Variants in LRBA observed in about 807,000 individuals in gnomAD.
LRBA encodes lipopolysaccharide-responsive and beige-like anchor protein.
A neutral mutation model predicts 330.0 loss-of-function variants in LRBA; 176 were observed. The ratio of observed to expected loss-of-function variants is 0.53; its 90% CI spans 0.47 to 0.60. The LOEUF (loss-of-function observed/expected upper bound fraction) is 0.60, where lower values mean the gene tolerates loss of function less well. LRBA is among the 20% of genes least tolerant of loss of function. The pLI is 0.00. For missense variants in LRBA, 3,259 were observed against 3,444.8 expected (o/e 0.95, Z 1.35); for synonymous variants, 1,230 against 1,193.0 (o/e 1.03, Z -0.64).
intron 40 of LRBA, among the ~76,000 whole-genome samples, chr4:150,561,999 C>T (rs554819156): frequency 1.6e-4 from 25 of 152,120 alleles, no homozygotes; most frequent in Middle Eastern, 6.8e-3. Flanking sequence ...CTATTACTAC[C>T]CTTCATCTAC....
chr4:150,964,627 T>C (rs1370908757), intron 2 of LRBA, among the ~76,000 whole-genome samples: 1 of 151,536 alleles, frequency 6.6e-6, no homozygotes, highest in Non-Finnish European at 1.5e-5. Flanking sequence ...GAAGGCAGCA[T>C]ACTCGTTAAG....
intron 40 of LRBA, among the ~76,000 whole-genome samples, chr4:150,503,926 C>T (rs199694000): frequency 2.0e-5 from 3 of 152,082 alleles, no homozygotes; most frequent in African/African-American, 7.2e-5. Flanking sequence ...AACCAAGGCA[C>T]GAGAACTAGG....
At chr4:150,429,571 T>A (rs1427109698) in intron 46 of LRBA, among the ~76,000 whole-genome samples, 4 of 152,138 alleles carry the variant, frequency 2.6e-5, no homozygotes, top group Admixed American at 2.0e-4. Context: ...ATGTTAAATT[T>A]AAGATACAGT....
In LRBA at chr4:150,354,280, T is replaced by C. The variant is rs542439143; in HGVS notation, c.7195-4121A>G. ...TATATAGAAAATTCTCATTTAGATC[T>C]ACATTTTTAGTTACAAAAAAATGAA... On this transcript the variant is annotated intron_variant, in intron 47 of 56. Transcript: ENST00000651943. 9.2e-5 allele frequency among the ~76,000 whole-genome samples: 14 copies of C among 152,264 alleles called. No homozygotes were observed. In the South Asian group the frequency reaches 2.1e-3, roughly 23 times the overall value.
intron 17 of LRBA, among the ~76,000 whole-genome samples, chr4:150,873,505 G>A (rs1579062019): frequency 6.6e-6 from 1 of 151,882 alleles, no homozygotes; most frequent in East Asian, 1.9e-4. Context: ...CAGGAGAATC[G>A]CTTGAACCTG....
intron 37 of LRBA, among the ~76,000 whole-genome samples, chr4:150,614,732 G>A (rs1775596528): frequency 6.6e-6 from 1 of 152,256 alleles, no homozygotes; most frequent in East Asian, 1.9e-4. Flanking sequence ...AGGTCCAATA[G>A]GTGATATATC....
intron 37 of LRBA, among the ~76,000 whole-genome samples, chr4:150,602,631 ATG>A (rs1028847528): frequency 1.3e-5 from 2 of 152,104 alleles, no homozygotes; most frequent in Non-Finnish European, 1.5e-5. Context: ...ATAAAGGAGA[ATG>A]TGTAGGTTTT....
At chr4:150,648,360 G>A (rs1466179223) in intron 37 of LRBA, among the ~76,000 whole-genome samples, 1 of 151,808 alleles carries the variant, frequency 6.6e-6, no homozygotes, top group African/African-American at 2.4e-5. Flanking sequence ...CGGATGAACA[G>A]GTTGAGGCCG....
rs1744677855 is a variant in LRBA, at chr4:151,010,322, T to C, written c.216+4105A>G. On this transcript the variant is annotated intron_variant, in intron 2 of 56. Coordinates refer to ENST00000651943, the MANE Select transcript of LRBA (RefSeq NM_001364905.1). Reference sequence around the variant, plus strand: ...GCAAGTTCCTGAAAACATGCCAACATATATTAATTATTCTGGGTCTAAAAG... The same window carrying C: ...GCAAGTTCCTGAAAACATGCCAACACATATTAATTATTCTGGGTCTAAAAG... Among the ~76,000 whole-genome samples the C allele has an allele frequency of 2.0e-5, 3 of 152,156 alleles. No individual in the cohort carries two copies. The South Asian group carries it at 6.2e-4, about 32-fold the overall frequency.
intron 47 of LRBA, among the ~76,000 whole-genome samples, chr4:150,407,559 C>G (rs1269115632): frequency 6.6e-6 from 1 of 152,158 alleles, no homozygotes; most frequent in Non-Finnish European, 1.5e-5. Flanking sequence ...ACAGAACACT[C>G]AACAATAGCA....
intron 37 of LRBA, among the ~76,000 whole-genome samples, chr4:150,669,227 T>C (rs1016078277): frequency 2.0e-4 from 31 of 152,178 alleles, no homozygotes; most frequent in Admixed American, 2.6e-4. Context: ...ATTTTATAAG[T>C]TACAAATATT....
chr4:150,900,257 C>A, intron 13 of LRBA, 40 bp from the exon 14 acceptor site: 1 of 1,485,028 alleles, frequency 6.7e-7, no homozygotes, highest in South Asian at 1.2e-5. Context: ...ACCCCACCAG[C>A]ATTTTATCTG....
intron 44 of LRBA, among the ~76,000 whole-genome samples, chr4:150,445,859 G>A (rs79878693): frequency 0.016 from 2,410 of 151,994 alleles, 69 homozygotes; most frequent in African/African-American, 0.053. Context: ...GACCCAGGCT[G>A]GCCTTGAACT....
chr4:150,852,999 C>T, intron 22 of LRBA, 56 bp from the exon 23 acceptor site: 1 of 993,278 alleles, frequency 1.0e-6, no homozygotes, highest in South Asian at 2.2e-5. Context: ...AGACAGAATA[C>T]AAAATATAAA....
intron 34 of LRBA, among the ~76,000 whole-genome samples, chr4:150,768,410 C>A (rs1736077925): frequency 6.6e-6 from 1 of 152,178 alleles, no homozygotes; most frequent in Non-Finnish European, 1.5e-5. Flanking sequence ...TAGAATCCCA[C>A]ATCTTCTCCC....
chr4:150,285,267 A>T (rs1748004280), intron 54 of LRBA, among the ~76,000 whole-genome samples: 2 of 152,228 alleles, frequency 1.3e-5, no homozygotes, highest in African/African-American at 2.4e-5. Flanking sequence ...AGACAGAGAG[A>T]TGGATAGACT....
rs182496783 is a variant in LRBA at position 150,496,544 on chromosome 4, G to T, written c.6331-5509C>A. Among the ~76,000 whole-genome samples the T allele has an allele frequency of 4.8e-4, 72 of 151,326 alleles. 3 individuals are homozygous for T. The highest frequency in any genetic ancestry group is 4.1e-3 in the Admixed American group (63 of 15,196). ...AAATGTTTTAAAATTCCTCCTGAAG[G>T]GTAAATATTAAAAAGTGATAAAATG... On this transcript the variant is annotated intron_variant, in intron 40 of 56. Coordinates refer to ENST00000651943, the MANE Select transcript of LRBA (RefSeq NM_001364905.1).
At chr4:150,735,846 C>T (rs897596559) in intron 35 of LRBA, among the ~76,000 whole-genome samples, 5 of 152,084 alleles carry the variant, frequency 3.3e-5, no homozygotes, top group East Asian at 3.8e-4. Flanking sequence ...GGAGGAGTCC[C>T]GGTAGACTAC....
chr4:150,516,884 G>C (rs1762416045), intron 40 of LRBA, among the ~76,000 whole-genome samples: 1 of 152,062 alleles, frequency 6.6e-6, no homozygotes, highest in Non-Finnish European at 1.5e-5. Context: ...AGAAATAATA[G>C]TTTTATTACA....
Sources: allele counts gnomAD v4.1 joint callset (sites outside exome capture counted in the v4.1 genomes callset), GRCh38; gene constraint gnomAD v4.1.1; transcripts MANE v1.5; gene names NCBI Gene and HGNC (gene_info 2026-07-23, HGNC 2026-07-21).